Variants in TMEM217 observed in about 807,000 individuals in gnomAD.
TMEM217 encodes the protein transmembrane protein 217, also known as chromosome 6 open reading frame 128.
For synonymous variants in TMEM217, 76 were observed against 88.3 expected (o/e 0.86, Z 0.78); for missense variants, 204 against 248.8 (o/e 0.82, Z 1.21).
At chr6:37,246,562 T>C (rs1765095080) in intron 1 of TMEM217, among the ~76,000 whole-genome samples, 1 of 152,222 alleles carries the variant, frequency 6.6e-6, no homozygotes, top group Admixed American at 6.5e-5. Context: ...ATCTGGCTTC[T>C]GACCCTGCTG....
chr6:37,230,725 A>G (rs262899), intron 1 of TMEM217, among the ~76,000 whole-genome samples: 120,221 of 152,122 alleles, frequency 0.79, 47,972 homozygotes, highest in East Asian at 0.91. Flanking sequence ...ACTCTGTGAT[A>G]TGTAGTTATA....
chr6:37,218,825 A>C, exon 2 of TMEM217: 2 of 1,614,204 alleles, frequency 1.2e-6, no homozygotes, highest in Non-Finnish European at 1.7e-6. Flanking sequence ...AGACAGGAAG[A>C]GGACGATTTT....
At chr6:37,217,350 T>C (rs565689098), downstream of TMEM217, among the ~76,000 whole-genome samples, 1 of 152,380 alleles carries the variant, frequency 6.6e-6, no homozygotes, top group African/African-American at 2.4e-5. Context: ...GTGATGTCTG[T>C]TTATTTGTGA....
At chr6:37,245,223 C>A (rs1051295423) in intron 1 of TMEM217, among the ~76,000 whole-genome samples, 1 of 152,206 alleles carries the variant, frequency 6.6e-6, no homozygotes, top group South Asian at 2.1e-4. Context: ...CCTTACAGGG[C>A]GGTAGGTAGC....
exon 2 of TMEM217, chr6:37,218,446 G>T: frequency 6.2e-7 from 1 of 1,610,108 alleles, no homozygotes; most frequent in South Asian, 1.1e-5. Flanking sequence ...CAAAGTACTG[G>T]GATTCCAGGT....
At chr6:37,216,875 T>C (rs1332779434), downstream of TMEM217, among the ~76,000 whole-genome samples, 1 of 152,144 alleles carries the variant, frequency 6.6e-6, no homozygotes, top group Non-Finnish European at 1.5e-5. Context: ...GTAAGGACAG[T>C]GTTTGCACCA....
chr6:37,212,604 G>A (rs1762971104), exon 4 of TMEM217: 1 of 486,844 alleles, frequency 2.1e-6, no homozygotes, highest in African/African-American at 1.9e-5. Flanking sequence ...GGAAGATCCA[G>A]TGCAAATAAC....
intron 1 of TMEM217, among the ~76,000 whole-genome samples, chr6:37,237,737 ATCTT>A (rs1764571344): frequency 6.6e-6 from 1 of 152,226 alleles, no homozygotes; most frequent in South Asian, 2.1e-4. Flanking sequence ...ATATGGTAGA[ATCTT>A]AACAATGTAA....
chr6:37,219,727 A>G (rs1407485436), intron 1 of TMEM217, among the ~76,000 whole-genome samples: 3 of 151,826 alleles, frequency 2.0e-5, no homozygotes, highest in Non-Finnish European at 4.4e-5. Flanking sequence ...GCAAGACCCT[A>G]TATCCAAAAA....
chr6:37,229,340 T>TTTTTG (rs914671235), intron 1 of TMEM217, among the ~76,000 whole-genome samples: 4 of 123,060 alleles, frequency 3.3e-5, no homozygotes, highest in African/African-American at 9.7e-5. Flanking sequence ...TTTCAGTTTT[T>TTTTTG]TTTTTTTTTT....
intron 1 of TMEM217, among the ~76,000 whole-genome samples, chr6:37,253,274 T>TC (rs35965040): frequency 6.6e-6 from 1 of 152,178 alleles, no homozygotes; most frequent in Non-Finnish European, 1.5e-5. Flanking sequence ...CTTTTCATTT[T>TC]CCCCTGTTTA....
chr6:37,224,154 G>C (rs1763683263), intron 1 of TMEM217, among the ~76,000 whole-genome samples: 1 of 149,672 alleles, frequency 6.7e-6, no homozygotes. Context: ...GGCCAGGCTG[G>C]TCTTGAACTC....
downstream of TMEM217, chr6:37,217,590 C>T (rs1477776235): frequency 2.0e-6 from 2 of 975,866 alleles, no homozygotes; most frequent in Admixed American, 6.2e-5. Context: ...GCCTTTCACA[C>T]TCCTTGACAA....
chr6:37,222,289 G>A (rs1470397354), intron 1 of TMEM217, among the ~76,000 whole-genome samples: 1 of 152,210 alleles, frequency 6.6e-6, no homozygotes, highest in Non-Finnish European at 1.5e-5. Flanking sequence ...TTCCACCCGG[G>A]AATCGATACG....
At chr6:37,229,881 C>G (rs1764098187) in intron 1 of TMEM217, among the ~76,000 whole-genome samples, 1 of 152,190 alleles carries the variant, frequency 6.6e-6, no homozygotes, top group South Asian at 2.1e-4. Flanking sequence ...TGCCTCAATA[C>G]TCAACTGGTG....
chr6:37,242,416 C>T (rs887750859), intron 1 of TMEM217, among the ~76,000 whole-genome samples: 1 of 152,230 alleles, frequency 6.6e-6, no homozygotes, highest in African/African-American at 2.4e-5. Flanking sequence ...TCCATATCAT[C>T]TAGATCTTTT....
At chr6:37,226,970 T>A (rs1763877102) in intron 1 of TMEM217, among the ~76,000 whole-genome samples, 1 of 151,656 alleles carries the variant, frequency 6.6e-6, no homozygotes, top group Non-Finnish European at 1.5e-5. Context: ...TATTTTATAC[T>A]TATAACAATC....
intron 1 of TMEM217, among the ~76,000 whole-genome samples, chr6:37,226,487 C>T (rs544823384): frequency 1.1e-4 from 16 of 150,442 alleles, no homozygotes; most frequent in Non-Finnish European, 1.8e-4. Flanking sequence ...TGAGTAGAGA[C>T]GGGGTTTCAC....
chr6:37,247,955 G>A (rs1410252388), intron 1 of TMEM217, among the ~76,000 whole-genome samples: 3 of 152,196 alleles, frequency 2.0e-5, no homozygotes, highest in African/African-American at 7.2e-5. Flanking sequence ...GATGAGGGAT[G>A]TGGGTGAGGT....
Sources: allele counts gnomAD v4.1 joint callset (sites outside exome capture counted in the v4.1 genomes callset), GRCh38; gene constraint gnomAD v4.1.1; transcripts MANE v1.5; gene names NCBI Gene and HGNC (gene_info 2026-07-23, HGNC 2026-07-21).